RPS6KA2: variants seen among roughly 807,000 people sequenced by gnomAD.
RPS6KA2 encodes the protein ribosomal protein S6 kinase alpha-2.
RPS6KA2 carries 42 observed loss-of-function variants against 91.8 expected under a neutral mutation model. That is an observed-to-expected ratio of 0.46 (90% confidence interval 0.36 to 0.59). The LOEUF is 0.59. Ranked by LOEUF, RPS6KA2 falls within the 20% of genes least tolerant of loss-of-function variation. The pLI is 0.00. For synonymous variants in RPS6KA2, 414 were observed against 393.6 expected, an observed-to-expected ratio of 1.05 and a Z score of -0.61; for missense variants, 798 against 978.5, an observed-to-expected ratio of 0.82 and a Z score of 2.46.
At chr6:166,766,606 T>A (rs1778317124) in intron 2 of RPS6KA2, among the ~76,000 whole-genome samples, 1 of 152,178 alleles carries the variant, frequency 6.6e-6, no homozygotes, top group Non-Finnish European at 1.5e-5. Flanking sequence ...AATTAATGAT[T>A]TTTCTCCAGC....
chr6:166,781,367 C>A (rs114691687), intron 2 of RPS6KA2, among the ~76,000 whole-genome samples: 2,178 of 152,300 alleles, frequency 0.014, 59 homozygotes, highest in African/African-American at 0.05. Context: ...GTCCTCACAC[C>A]CCCTGGCGTG....
chr6:166,728,531 G>T (rs1265213257), intron 2 of RPS6KA2, among the ~76,000 whole-genome samples: 1 of 152,176 alleles, frequency 6.6e-6, no homozygotes, highest in Non-Finnish European at 1.5e-5. Flanking sequence ...AGTGCCCAGG[G>T]AAAGAGTGGA....
chr6:166,719,847 C>T (rs2128584007), intron 2 of RPS6KA2, among the ~76,000 whole-genome samples: 1 of 152,302 alleles, frequency 6.6e-6, no homozygotes, highest in African/African-American at 2.4e-5. Context: ...TAGAGTATAT[C>T]TGGGAGATCT....
Position 166,439,100 on chromosome 6 carries a change from T to TTTAATTAATTAA in RPS6KA2, c.1333-6622_1333-6611dup, listed in dbSNP as rs36181462. On this transcript the variant is annotated intron_variant, in intron 14 of 20. Coordinates refer to ENST00000265678, the MANE Select transcript of RPS6KA2 (RefSeq NM_021135.6). Reference sequence around the variant, plus strand: ...ATTCATATTTTTTCTTGTCTTTATTTTTAATTAATTAATTAATTAATTATT... The same window carrying TTTAATTAATTAA: ...ATTCATATTTTTTCTTGTCTTTATTTTTAATTAATTAATTAATTAATTAATTAATTAATTATT... 6.2e-3 allele frequency among the ~76,000 whole-genome samples: 846 copies of TTTAATTAATTAA among 135,864 alleles called. 7 individuals carry two copies. Among genetic ancestry groups the TTTAATTAATTAA allele is most frequent in the African/African-American group, 0.018 (701 of 38,350 alleles). 89.1% of individuals were successfully genotyped at this position (135,864 alleles called of 152,430 possible).
intron 6 of RPS6KA2, among the ~76,000 whole-genome samples, chr6:166,502,082 G>C (rs1229315032): frequency 6.6e-6 from 1 of 152,218 alleles, no homozygotes; most frequent in East Asian, 1.9e-4. Flanking sequence ...ACTGTGCAGG[G>C]GGACAGAGCT....
intron 2 of RPS6KA2, among the ~76,000 whole-genome samples, chr6:166,661,715 CT>C (rs1933399641): frequency 1.3e-5 from 2 of 152,060 alleles, no homozygotes. Flanking sequence ...AATCGAATAG[CT>C]TCTTTTTTTG....
intron 2 of RPS6KA2, among the ~76,000 whole-genome samples, chr6:166,835,755 A>G (rs1780301784): frequency 6.6e-6 from 1 of 152,208 alleles, no homozygotes; most frequent in African/African-American, 2.4e-5. Context: ...ACCTTCTTGC[A>G]CTACCAATAA....
At chr6:166,573,324 G>A (rs985366289) in intron 1 of RPS6KA2, among the ~76,000 whole-genome samples, 12 of 152,322 alleles carry the variant, frequency 7.9e-5, no homozygotes, top group East Asian at 7.7e-4. Flanking sequence ...CAGCACCCTC[G>A]TGCAAACTCA....
In RPS6KA2 at chr6:166,627,107, C is replaced by A; in HGVS notation, c.-88G>T. The A allele has an allele frequency of 8.4e-7, 1 of 1,192,116 alleles. No individual in the cohort carries two copies. Among genetic ancestry groups the A allele is most frequent in the Non-Finnish European group, 1.0e-6 (1 of 959,822 alleles). The allele number at this position is 1,192,116 out of a possible 1,614,324, so 73.8% of individuals were successfully genotyped here. A position where few individuals can be genotyped will look rare whatever the true frequency, so the allele number is the denominator to read the frequency against. ...CGCGGGGCTCAGGTCCGCGGGCGGG[C>A]ACGCGTGGCCAGGGAGCCCGGCACG... is the stretch of plus-strand genomic sequence containing the variant. On this transcript the variant is annotated 5_prime_UTR_variant, in exon 1 of 21. Coordinates refer to ENST00000265678, the MANE Select transcript of RPS6KA2 (RefSeq NM_021135.6).
At chr6:166,573,901 G>A (rs1046630838) in intron 1 of RPS6KA2, among the ~76,000 whole-genome samples, 1 of 152,216 alleles carries the variant, frequency 6.6e-6, no homozygotes, top group Non-Finnish European at 1.5e-5. Context: ...ATGTGAAGGT[G>A]TGTCAGATGC....
intron 8 of RPS6KA2, among the ~76,000 whole-genome samples, 175 bp downstream of exon 8, chr6:166,498,333 G>A (rs1349220148): frequency 6.6e-6 from 1 of 152,250 alleles, no homozygotes; most frequent in African/African-American, 2.4e-5. Context: ...TGATGGTGGG[G>A]ATGTGGGATG....
rs372568054 is a variant in RPS6KA2 at position 166,744,768 on chromosome 6, T to C, written c.123+113432A>G. Among the ~76,000 whole-genome samples the C allele has an allele frequency of 2.2e-4, 34 of 152,244 alleles. No individual in the cohort carries two copies. The Middle Eastern group carries it at 0.01, about 46-fold the overall frequency. ...GATTTAAAGCGGCACTCCACGTCCC[T>C]GGCGGCGGTGGGGTCGCGAGCCTGC... On this transcript the variant is annotated intron_variant, in intron 2 of 21. Coordinates refer to the RPS6KA2 transcript ENST00000503859.
intron 2 of RPS6KA2, among the ~76,000 whole-genome samples, chr6:166,537,218 T>C (rs1252299047): frequency 6.6e-6 from 1 of 152,286 alleles, no homozygotes; most frequent in East Asian, 1.9e-4. Context: ...CAAGAAACAA[T>C]GCATGGGCAA....
At chr6:166,656,080 C>T (rs1482799429) in intron 2 of RPS6KA2, among the ~76,000 whole-genome samples, 1 of 152,222 alleles carries the variant, frequency 6.6e-6, no homozygotes, top group Non-Finnish European at 1.5e-5. Flanking sequence ...ACAGGGGAAG[C>T]TCACGCCTAG....
At chr6:166,454,366 C>T (rs186609643) in intron 12 of RPS6KA2, among the ~76,000 whole-genome samples, 2,149 of 152,088 alleles carry the variant, frequency 0.014, 26 homozygotes, top group Non-Finnish European at 0.021. Flanking sequence ...GGCGGGGTGG[C>T]GCACGCCTGT....
intron 2 of RPS6KA2, among the ~76,000 whole-genome samples, chr6:166,787,869 G>T (rs1778973492): frequency 6.6e-6 from 1 of 150,416 alleles, no homozygotes; most frequent in African/African-American, 2.4e-5. Flanking sequence ...AAAGAAACTA[G>T]CATCAGACTG....
rs537146173 is a variant in RPS6KA2 at position 166,579,037 on chromosome 6, C to T, written c.100-40253G>A. ...TAGAAGGAAACAGTAAGTCTGATGTCGAGCAGCATGGAAAACGGAGGATCA... is the reference window on the plus strand; with the variant it reads ...TAGAAGGAAACAGTAAGTCTGATGTTGAGCAGCATGGAAAACGGAGGATCA... On this transcript the variant is annotated intron_variant, in intron 1 of 20. Transcript: ENST00000265678. Among the ~76,000 whole-genome samples the T allele has an allele frequency of 1.3e-4, 20 of 152,210 alleles. 1 individual carries two copies. The East Asian group carries it at 3.1e-3, about 24-fold the overall frequency.
chr6:166,461,603 G>A (rs112262070), intron 11 of RPS6KA2, among the ~76,000 whole-genome samples: 1,708 of 149,876 alleles, frequency 0.011, 36 homozygotes, highest in African/African-American at 0.04. Context: ...GAGGGGAAGG[G>A]GGTAAGAAAG....
intron 2 of RPS6KA2, among the ~76,000 whole-genome samples, chr6:166,534,221 C>CAAAAAAAAAAAAAAAA (rs34585369): frequency 1.7e-5 from 1 of 59,342 alleles, no homozygotes; most frequent in African/African-American, 6.7e-5. Flanking sequence ...GACTCTGTCT[C>CAAAAAAAAAAAAAAAA]AAAAAAAAAA....
Sources: allele counts gnomAD v4.1 joint callset (sites outside exome capture counted in the v4.1 genomes callset), GRCh38; gene constraint gnomAD v4.1.1; transcripts MANE v1.5; gene names NCBI Gene and HGNC (gene_info 2026-07-23, HGNC 2026-07-21).